The following EPB41L4A variants were observed in gnomAD, a reference collection of about 807,000 sequenced individuals.
EPB41L4A encodes erythrocyte membrane protein band 4.1 like 4A, also known as band 4.1-like protein 4A.
A neutral mutation model predicts 108.6 loss-of-function variants in EPB41L4A; 100 were observed. That is an observed-to-expected ratio of 0.92 (90% CI 0.78 to 1.09). The LOEUF (loss-of-function observed/expected upper bound fraction) is 1.09. EPB41L4A is among the 50% of genes least tolerant of loss of function. The probability of loss-of-function intolerance (pLI) is 0.00; values close to 1 mark genes in which losing one functional copy is unlikely to be tolerated. For synonymous variants in EPB41L4A, 319 were observed against 289.0 expected, an observed-to-expected ratio of 1.10 and a Z score of -1.05; for missense variants, 1,030 against 842.7, an observed-to-expected ratio of 1.22 and a Z score of -2.75.
rs147712952 is a variant in EPB41L4A, at chr5:112,233,145, C to T, written c.1087+1489G>A. Reference sequence around the variant, plus strand: ...CAAGAAAAAGGAATGTGCTTTAGTACACACTGTATATAATGTTGGCAGGAA... The same window carrying T: ...CAAGAAAAAGGAATGTGCTTTAGTATACACTGTATATAATGTTGGCAGGAA... On this transcript the variant is annotated intron_variant, in intron 12 of 22. Coordinates refer to ENST00000261486, the MANE Select transcript of EPB41L4A (RefSeq NM_022140.5). Among the ~76,000 whole-genome samples the T allele has an allele frequency of 4.6e-3, 698 of 152,164 alleles. 9 individuals are homozygous for T. The highest frequency in any genetic ancestry group is 0.016 in the African/African-American group (679 of 41,500).
rs905363606 is a variant in EPB41L4A, at chr5:112,384,314, A to G, written c.99+34627T>C. ...ATATAGATGACTATTCTGAAAAGGA[A>G]GGGATTTTAACTTAAAAACATTAAG... On this transcript the variant is annotated intron_variant, in intron 1 of 22. Coordinates refer to ENST00000261486, the MANE Select transcript of EPB41L4A (RefSeq NM_022140.5). 2.0e-5 allele frequency among the ~76,000 whole-genome samples: 3 copies of G among 152,340 alleles called. No homozygotes were observed. The East Asian group carries it at 5.8e-4, about 29-fold the overall frequency.
At chr5:112,177,370 A>C (rs1158879088) in intron 18 of EPB41L4A, among the ~76,000 whole-genome samples, 1 of 152,186 alleles carries the variant, frequency 6.6e-6, no homozygotes, top group Non-Finnish European at 1.5e-5. Flanking sequence ...CACTTTTAAG[A>C]AACTTATGAT....
At chr5:112,375,233 C>G (rs1044060938) in intron 1 of EPB41L4A, among the ~76,000 whole-genome samples, 4 of 152,012 alleles carry the variant, frequency 2.6e-5, no homozygotes, top group African/African-American at 9.7e-5. Flanking sequence ...GAGTCAACCC[C>G]TGGGGATGAT....
At chr5:112,326,214 TCTC>T (rs1432244008) in intron 1 of EPB41L4A, among the ~76,000 whole-genome samples, 1 of 152,094 alleles carries the variant, frequency 6.6e-6, no homozygotes, top group African/African-American at 2.4e-5. Context: ...ACTGACTGCC[TCTC>T]TTTCCTAACA....
rs191678807 is a variant in EPB41L4A at position 112,156,542 on chromosome 5, C to G, written n.994+1859G>C. On this transcript the variant is annotated intron_variant and non_coding_transcript_variant, in intron 12 of 13. Transcript: ENST00000507810. ...CCCTCAAAGGATTAAGTGATGCCACCCACATTGAGGAAGTACATCTCCTTT... is the reference window on the plus strand; with the variant it reads ...CCCTCAAAGGATTAAGTGATGCCACGCACATTGAGGAAGTACATCTCCTTT... Among the ~76,000 whole-genome samples, 16 of 152,258 alleles carry G rather than the reference C, an allele frequency of 1.1e-4. No individual in the cohort carries two copies. The East Asian group carries it at 3.1e-3, about 29-fold the overall frequency.
At chr5:112,196,227 A>C (rs17134226) in intron 15 of EPB41L4A, among the ~76,000 whole-genome samples, 12,599 of 152,108 alleles carry the variant, frequency 0.083, 1,526 homozygotes, top group African/African-American at 0.26. Flanking sequence ...AACAGCTTCA[A>C]TGGGGCATCC....
At chr5:112,233,550 T>G (rs1454578789) in intron 12 of EPB41L4A, among the ~76,000 whole-genome samples, 3 of 152,200 alleles carry the variant, frequency 2.0e-5, no homozygotes, top group Non-Finnish European at 4.4e-5. Context: ...GAAGCTCAAA[T>G]TAAGTTACCT....
intron 3 of EPB41L4A, 148 bp from the exon 4 acceptor site, chr5:112,275,552 G>A (rs1249126850): frequency 1.0e-6 from 1 of 983,294 alleles, no homozygotes; most frequent in Admixed American, 3.5e-5. Flanking sequence ...GTTCAGAACT[G>A]TGACGATAGG....
intron 1 of EPB41L4A, among the ~76,000 whole-genome samples, chr5:112,392,078 T>C (rs1760982228): frequency 6.6e-6 from 1 of 152,002 alleles, no homozygotes; most frequent in Non-Finnish European, 1.5e-5. Flanking sequence ...AAGGAAGCAC[T>C]AAACATGGAA....
intron 1 of EPB41L4A, among the ~76,000 whole-genome samples, chr5:112,401,855 G>A (rs138049292): frequency 4.1e-4 from 62 of 152,294 alleles, no homozygotes; most frequent in South Asian, 6.2e-4. Context: ...TTTTGGTTGC[G>A]TATGATTAGA....
chr5:112,252,869 TATGTA>T lies in EPB41L4A; in HGVS notation c.795+6355_795+6359del, dbSNP rs1180078356. Among the ~76,000 whole-genome samples, 11 of 150,814 alleles carry T rather than the reference TATGTA, an allele frequency of 7.3e-5. No individual in the cohort carries two copies. The South Asian group carries it at 1.5e-3, about 20-fold the overall frequency. ...TTGAAAGTATTAAAAAAAAAATAGG[TATGTA>T]ATGTATTTTAAACCATTGAAAAAAT... On this transcript the variant is annotated intron_variant, in intron 9 of 22. Transcript: ENST00000261486.
chr5:112,390,389 A>T (rs1166270382), intron 1 of EPB41L4A, among the ~76,000 whole-genome samples: 1 of 152,114 alleles, frequency 6.6e-6, no homozygotes, highest in East Asian at 1.9e-4. Flanking sequence ...ACACCAGGAG[A>T]TTACATCCCG....
At chr5:112,296,658 T>C (rs528726309) in intron 2 of EPB41L4A, among the ~76,000 whole-genome samples, 118 of 152,326 alleles carry the variant, frequency 7.7e-4, no homozygotes, top group African/African-American at 2.8e-3. Flanking sequence ...TTGAGTTACA[T>C]GAATAAGTTC....
At chr5:112,413,169 G>A (rs1361763032) in intron 1 of EPB41L4A, among the ~76,000 whole-genome samples, 1 of 152,182 alleles carries the variant, frequency 6.6e-6, no homozygotes, top group Non-Finnish European at 1.5e-5. Context: ...AGGTTGGAAG[G>A]GGAGCATTAA....
At chr5:112,392,491 G>A (rs1419630666) in intron 1 of EPB41L4A, among the ~76,000 whole-genome samples, 2 of 146,550 alleles carry the variant, frequency 1.4e-5, no homozygotes, top group Non-Finnish European at 3.0e-5. Flanking sequence ...AAGAAACACA[G>A]AAGGCCATTA....
At chr5:112,261,739 T>C (rs1008664458) in intron 7 of EPB41L4A, among the ~76,000 whole-genome samples, 1 of 152,240 alleles carries the variant, frequency 6.6e-6, no homozygotes, top group African/African-American at 2.4e-5. Flanking sequence ...AACCTTCATA[T>C]TGACAGAATC....
At chr5:112,305,726 C>G (rs77083269) in intron 2 of EPB41L4A, among the ~76,000 whole-genome samples, 4,178 of 152,116 alleles carry the variant, frequency 0.027, 126 homozygotes, top group East Asian at 0.16. Flanking sequence ...TCTATTTTAG[C>G]TGAGTTTACC....
chr5:112,186,464 C>A (rs138578061), intron 17 of EPB41L4A, among the ~76,000 whole-genome samples: 1,981 of 152,292 alleles, frequency 0.013, 20 homozygotes, highest in Middle Eastern at 0.027. Context: ...AGGACCAAAT[C>A]AGAAAGAATT....
At chr5:112,235,966 A>C (rs765317005) in intron 11 of EPB41L4A, among the ~76,000 whole-genome samples, 2 of 152,178 alleles carry the variant, frequency 1.3e-5, no homozygotes, top group South Asian at 4.1e-4. Context: ...AAAGCTAAAA[A>C]TCCCCATAAA....
Sources: gnomAD v4.1 joint callset for allele counts (sites outside exome capture counted in the v4.1 genomes callset) on GRCh38, gnomAD v4.1.1 for gene constraint, MANE v1.5 for transcripts, NCBI Gene and HGNC (gene_info 2026-07-23, HGNC 2026-07-21) for gene names.